USP49: variants seen among roughly 807,000 people sequenced by gnomAD.
The protein encoded by USP49 is ubiquitin carboxyl-terminal hydrolase 49.
Under a neutral mutation model 58.6 loss-of-function variants are expected in USP49, and 24 were observed. The observed-to-expected ratio is 0.41, with a 90% CI of 0.30 to 0.58. The LOEUF is 0.58. Ranked by LOEUF, USP49 falls within the 20% of genes least tolerant of loss-of-function variation. USP49 has a pLI of 0.30. For missense variants in USP49, 703 were observed against 866.1 expected (o/e 0.81, Z 2.36); for synonymous variants, 408 against 365.1 (o/e 1.12, Z -1.34).
intron 3 of USP49, among the ~76,000 whole-genome samples, chr6:41,847,651 T>C (rs1297685071): frequency 6.6e-6 from 1 of 151,620 alleles, no homozygotes; most frequent in Admixed American, 6.6e-5. Context: ...GAGGCGGAGG[T>C]TGCAGTGAGC....
At position 41,802,448 on chromosome 6, in the gene USP49, A is replaced by ATTT. The variant is rs1363216201; in HGVS notation, c.1561+1355_1561+1357dup. The stretch of plus-strand genomic sequence containing the variant: ...TTTTATTTTATTTATTTATTTATTT[A>ATTT]TTTATTTATTTATTTATTTATTTTT... On this transcript the variant is annotated intron_variant, in intron 5 of 7. Transcript: ENST00000682992. 2.8e-4 allele frequency among the ~76,000 whole-genome samples: 15 copies of ATTT among 53,328 alleles called. 1 individual carries two copies. Among genetic ancestry groups the ATTT allele is most frequent in the Non-Finnish European group, 4.7e-4 (13 of 27,630 alleles). The allele number at this position is 53,328 out of a possible 152,430, so 35.0% of individuals were successfully genotyped here.
intron 6 of USP49, 125 bp from the exon 7 acceptor site, chr6:41,799,054 A>G: frequency 1.7e-6 from 2 of 1,172,666 alleles, no homozygotes. Context: ...TCCCATCAAT[A>G]AAATGGTGGT....
At chr6:41,822,337 C>A (rs1773466527) in intron 3 of USP49, among the ~76,000 whole-genome samples, 1 of 152,146 alleles carries the variant, frequency 6.6e-6, no homozygotes, top group South Asian at 2.1e-4. Context: ...GGAACAATTT[C>A]TGTGAATAGA....
intron 3 of USP49, among the ~76,000 whole-genome samples, chr6:41,829,112 T>C (rs1478372684): frequency 6.6e-6 from 1 of 152,208 alleles, no homozygotes; most frequent in Non-Finnish European, 1.5e-5. Flanking sequence ...ATACATTTAC[T>C]AAATGATTAT....
intron 3 of USP49, among the ~76,000 whole-genome samples, chr6:41,864,039 G>C (rs1774268833): frequency 6.6e-6 from 1 of 151,602 alleles, no homozygotes; most frequent in African/African-American, 2.4e-5. Flanking sequence ...AAACTGCTGG[G>C]ATTTCCTGAG....
chr6:41,881,186 C>A (rs1774598202), intron 2 of USP49, among the ~76,000 whole-genome samples: 1 of 150,912 alleles, frequency 6.6e-6, no homozygotes. Context: ...CCCACCTCGG[C>A]CTCCCAAAGT....
intron 3 of USP49, among the ~76,000 whole-genome samples, chr6:41,856,283 G>A (rs2127352714): frequency 6.6e-6 from 1 of 151,596 alleles, no homozygotes; most frequent in South Asian, 2.1e-4. Context: ...GCTGAGTCAG[G>A]AGAATGGCGT....
intron 3 of USP49, among the ~76,000 whole-genome samples, chr6:41,821,285 A>G (rs1310484773): frequency 6.6e-6 from 1 of 152,162 alleles, no homozygotes; most frequent in Non-Finnish European, 1.5e-5. Context: ...CTGGGCCTCA[A>G]GTTGCCCCCA....
chr6:41,877,694 G>A (rs1774527329), intron 2 of USP49, among the ~76,000 whole-genome samples: 1 of 107,982 alleles, frequency 9.3e-6, no homozygotes, highest in Non-Finnish European at 2.2e-5. Context: ...CCAAGTAACT[G>A]GGATTACAGG....
In USP49 at chr6:41,793,462, T is replaced by C. The variant is rs1772834416; in HGVS notation, c.*3071A>G. On this transcript the variant is annotated 3_prime_UTR_variant, in exon 8 of 8. Coordinates refer to ENST00000682992, the MANE Select transcript of USP49 (RefSeq NM_001286554.2). ...TTTTAGTAGAGACGGAGTTTCACCA[T>C]GTTGGCCAGGATGATCTCAATCTCT... is the stretch of plus-strand genomic sequence containing the variant. 1 of 152,630 alleles carries C rather than the reference T, an allele frequency of 6.6e-6. No individual in the cohort carries two copies. The highest frequency in any genetic ancestry group is 2.4e-5 in the African/African-American group (1 of 41,434). The allele number at this position is 152,630 out of a possible 1,614,324, so 9.5% of individuals were successfully genotyped here.
intron 2 of USP49, among the ~76,000 whole-genome samples, chr6:41,883,353 CAA>C (rs35851122): frequency 1.2e-4 from 6 of 49,070 alleles, no homozygotes; most frequent in Non-Finnish European, 8.5e-5. Flanking sequence ...GACTCTGTCT[CAA>C]AAAAAAAAAA....
In USP49 at chr6:41,844,076, C is replaced by T. The variant is rs576020887; in HGVS notation, c.-29+27488G>A. Among the ~76,000 whole-genome samples the T allele has an allele frequency of 4.6e-4, 70 of 151,500 alleles. 1 individual carries two copies. In the South Asian group the frequency reaches 0.012, roughly 26 times the overall value. On this transcript the variant is annotated intron_variant, in intron 3 of 7. Transcript: ENST00000682992. The stretch of plus-strand genomic sequence containing the variant: ...TAAATAAATAAATACAAAAAATCAG[C>T]CAGGCATGGTGGTGTGCCCATGTAG...
chr6:41,867,609 A>G, intron 3 of USP49, among the ~76,000 whole-genome samples: 1 of 143,598 alleles, frequency 7.0e-6, no homozygotes. Flanking sequence ...AAAAAAAGCT[A>G]GGAGTGGTGG....
At chr6:41,849,509 T>G (rs1582019429) in intron 3 of USP49, among the ~76,000 whole-genome samples, 1 of 152,164 alleles carries the variant, frequency 6.6e-6, no homozygotes, top group Non-Finnish European at 1.5e-5. Flanking sequence ...TCTTCTCAAG[T>G]GCACATGGAA....
At chr6:41,843,468 A>G (rs193038656) in intron 3 of USP49, among the ~76,000 whole-genome samples, 8 of 152,322 alleles carry the variant, frequency 5.3e-5, no homozygotes, top group Non-Finnish European at 1.0e-4. Context: ...GTCTTTTTGT[A>G]TATCTGCATT....
intron 3 of USP49, among the ~76,000 whole-genome samples, chr6:41,834,618 G>C (rs1773694617): frequency 6.6e-6 from 1 of 152,146 alleles, no homozygotes; most frequent in African/African-American, 2.4e-5. Context: ...GTTCTCACGA[G>C]ATCCAGTTGT....
intron 2 of USP49, among the ~76,000 whole-genome samples, chr6:41,882,516 G>A (rs1774627730): frequency 6.6e-6 from 1 of 152,188 alleles, no homozygotes. Flanking sequence ...AAGAAATTTA[G>A]GGAGACAATC....
At position 41,806,260 on chromosome 6, in the gene USP49, G is replaced by C. The variant is rs750010025; in HGVS notation, c.724C>G (p.Leu242Val). The C allele has an allele frequency of 6.2e-7, 1 of 1,607,064 alleles. No homozygotes were observed. Among genetic ancestry groups the C allele is most frequent in the South Asian group, 1.1e-5 (1 of 91,042 alleles). The stretch of plus-strand genomic sequence containing the variant: ...GGGGCCATGGCCGGCTGGCGACGCA[G>C]CTTGAGTGTGGCGGCGGGCACTCTG... Reference protein sequence around the residue: ...SRRVPAATLKLRRQPAMAPGV... With the variant: ...SRRVPAATLKVRRQPAMAPGV... The change falls in exon 4 of 8, where the codon CTG becomes GTG. Residue 242 changes from leucine (L) to valine (V), a missense_variant. By Grantham distance (32) the Leu-to-Val change is conservative. This residue lies in a region of USP49 where 376 missense variants were observed against 373.5 expected (regional missense o/e 1.01). Transcript: ENST00000682992. This position sits in a 1 kb window ranked among gnomAD's most constrained non-coding sequence, Gnocchi z 5.9.
intron 7 of USP49, among the ~76,000 whole-genome samples, 181 bp from the exon 8 acceptor site, chr6:41,796,904 AC>A (rs1375641871): frequency 1.3e-5 from 2 of 150,778 alleles, no homozygotes; most frequent in Non-Finnish European, 3.0e-5. Flanking sequence ...ACTGGCTTTA[AC>A]CCCACCAAGC....
Sources: gnomAD v4.1 joint callset for allele counts (sites outside exome capture counted in the v4.1 genomes callset) on GRCh38, gnomAD v4.1.1 for gene constraint, gnomAD v4.1.1 regional missense constraint, Gnocchi (gnomAD v3.1) non-coding constraint, MANE v1.5 for transcripts, NCBI Gene and HGNC (gene_info 2026-07-23, HGNC 2026-07-21) for gene names.